The following SUCLG2 variants were observed in gnomAD, a reference collection of about 807,000 sequenced individuals.
The protein encoded by SUCLG2 is succinate-CoA ligase GDP-forming subunit beta, also known as succinate--CoA ligase [GDP-forming] subunit beta, mitochondrial.
Under a neutral mutation model 47.9 loss-of-function variants are expected in SUCLG2, and 42 were observed. That is an observed-to-expected ratio of 0.88 (90% CI 0.69 to 1.14). The LOEUF (loss-of-function observed/expected upper bound fraction) is 1.14. SUCLG2 is among the 50% of genes most tolerant of loss of function. SUCLG2 has a pLI of 0.00. For missense variants in SUCLG2, 571 were observed against 525.9 expected (o/e 1.09, Z -0.84); for synonymous variants, 195 against 197.3 (o/e 0.99, Z 0.10).
At chr3:67,379,738 C>G (rs1468907262) in intron 10 of SUCLG2, among the ~76,000 whole-genome samples, 2 of 152,226 alleles carry the variant, frequency 1.3e-5, no homozygotes, top group Non-Finnish European at 2.9e-5. Flanking sequence ...CTCCACTGGG[C>G]TGACACCCAT....
intron 10 of SUCLG2, among the ~76,000 whole-genome samples, chr3:67,394,293 A>G (rs1443614608): frequency 3.3e-5 from 5 of 151,988 alleles, no homozygotes; most frequent in African/African-American, 4.8e-5. Flanking sequence ...AGATGAATGT[A>G]TAACTAGAAT....
chr3:67,495,445 G>A (rs1418877385), intron 9 of SUCLG2, among the ~76,000 whole-genome samples: 1 of 152,052 alleles, frequency 6.6e-6, no homozygotes, highest in Non-Finnish European at 1.5e-5. Context: ...ACGAGGTAGG[G>A]AGTTTGAGAC....
intron 9 of SUCLG2, among the ~76,000 whole-genome samples, chr3:67,431,273 T>G (rs908259153): frequency 1.3e-5 from 2 of 152,166 alleles, no homozygotes; most frequent in African/African-American, 2.4e-5. Context: ...GTCAGCTTCA[T>G]CCCTGGGATG....
intron 9 of SUCLG2, among the ~76,000 whole-genome samples, chr3:67,492,027 T>C (rs1705220347): frequency 6.6e-6 from 1 of 152,198 alleles, no homozygotes. Flanking sequence ...AAGAGTCCCT[T>C]CCATTCTTCA....
intron 9 of SUCLG2, among the ~76,000 whole-genome samples, chr3:67,476,997 G>T (rs929367640): frequency 6.6e-6 from 1 of 152,158 alleles, no homozygotes; most frequent in African/African-American, 2.4e-5. Flanking sequence ...TCTGGAGCCA[G>T]AATAACCGTT....
chr3:67,389,156 G>A (rs892186928), intron 10 of SUCLG2, among the ~76,000 whole-genome samples: 12 of 151,998 alleles, frequency 7.9e-5, no homozygotes, highest in Non-Finnish European at 1.5e-4. Flanking sequence ...GATATAAAGT[G>A]GTATGGAGGC....
chr3:67,446,961 A>T (rs1703942993), intron 9 of SUCLG2, among the ~76,000 whole-genome samples: 1 of 152,180 alleles, frequency 6.6e-6, no homozygotes, highest in Non-Finnish European at 1.5e-5. Flanking sequence ...TTTATGTTTG[A>T]GGAAGAAAAT....
chr3:67,568,429 G>A (rs1042661377), intron 2 of SUCLG2, among the ~76,000 whole-genome samples: 1 of 152,294 alleles, frequency 6.6e-6, no homozygotes, highest in African/African-American at 2.4e-5. Context: ...CACAGAAAGA[G>A]ATAAATGAGA....
At chr3:67,497,883 T>C (rs961107759) in intron 8 of SUCLG2, among the ~76,000 whole-genome samples, 1 of 152,182 alleles carries the variant, frequency 6.6e-6, no homozygotes, top group African/African-American at 2.4e-5. Flanking sequence ...AAACATCTTA[T>C]GATGTACAGG....
At chr3:67,536,286 ATGTTCGTTTCACTTT>A (rs751699042) in intron 2 of SUCLG2, among the ~76,000 whole-genome samples, 9 of 152,210 alleles carry the variant, frequency 5.9e-5, no homozygotes, top group Non-Finnish European at 1.2e-4. Flanking sequence ...ATATTTAAAG[ATGTTCGTTTCACTTT>A]TACAGCAATA....
At chr3:67,391,102 C>T (rs113815419) in intron 10 of SUCLG2, among the ~76,000 whole-genome samples, 16 of 152,312 alleles carry the variant, frequency 1.1e-4, no homozygotes, top group Middle Eastern at 3.4e-3. Flanking sequence ...GTTTCAGCAA[C>T]ATAAACATTT....
chr3:67,647,248 A>G (rs1701208829), intron 1 of SUCLG2, among the ~76,000 whole-genome samples: 1 of 152,246 alleles, frequency 6.6e-6, no homozygotes, highest in Non-Finnish European at 1.5e-5. Flanking sequence ...TTCATATATT[A>G]TGTCAAATCC....
intron 2 of SUCLG2, among the ~76,000 whole-genome samples, chr3:67,559,617 G>C (rs559387860): frequency 3.3e-4 from 50 of 152,030 alleles, no homozygotes; most frequent in Non-Finnish European, 6.3e-4. Context: ...ATGAAATATT[G>C]GTGAGGACAG....
At chr3:67,375,943 C>T in intron 10 of SUCLG2, 84 bp from the exon 11 acceptor site, 10 of 1,505,086 alleles carry the variant, frequency 6.6e-6, no homozygotes, top group South Asian at 1.3e-5. Flanking sequence ...CAAGACTCAC[C>T]TGTCTACAGC....
At chr3:67,388,416 G>A (rs142294818) in intron 10 of SUCLG2, among the ~76,000 whole-genome samples, 4 of 152,224 alleles carry the variant, frequency 2.6e-5, no homozygotes, top group East Asian at 3.9e-4. Context: ...TAGATACAGG[G>A]TCTCACACTC....
chr3:67,470,506 C>T (rs1704579216), intron 9 of SUCLG2, among the ~76,000 whole-genome samples: 1 of 152,180 alleles, frequency 6.6e-6, no homozygotes, highest in African/African-American at 2.4e-5. Flanking sequence ...GTGATTAGGT[C>T]ATGAGGGCAT....
intron 6 of SUCLG2, among the ~76,000 whole-genome samples, chr3:67,517,816 G>A (rs1332070844): frequency 6.6e-6 from 1 of 152,142 alleles, no homozygotes; most frequent in African/African-American, 2.4e-5. Flanking sequence ...CCTTTATGGA[G>A]CAGTACAATA....
intron 2 of SUCLG2, among the ~76,000 whole-genome samples, chr3:67,529,498 A>T (rs1307849796): frequency 6.6e-6 from 1 of 152,172 alleles, no homozygotes; most frequent in Non-Finnish European, 1.5e-5. Context: ...TAAATCCTGG[A>T]AGGAGGTATT....
At chr3:67,557,941 A>C (rs1707204429) in intron 2 of SUCLG2, among the ~76,000 whole-genome samples, 1 of 152,192 alleles carries the variant, frequency 6.6e-6, no homozygotes, top group Non-Finnish European at 1.5e-5. Context: ...TGTGAAATTC[A>C]CAAGACTGCT....
Sources: allele counts gnomAD v4.1 joint callset (sites outside exome capture counted in the v4.1 genomes callset), GRCh38; gene constraint gnomAD v4.1.1; transcripts MANE v1.5; gene names NCBI Gene and HGNC (gene_info 2026-07-23, HGNC 2026-07-21).